The following MCF2L2 variants were observed in gnomAD, a reference collection of about 807,000 sequenced individuals.
The protein encoded by MCF2L2 is probable guanine nucleotide exchange factor MCF2L2.
MCF2L2 carries 102 observed loss-of-function variants against 150.2 expected under a neutral mutation model. That is an observed-to-expected ratio of 0.68 (90% CI 0.58 to 0.80). The LOEUF (loss-of-function observed/expected upper bound fraction) is 0.80. Among genes scored for constraint, MCF2L2 ranks in the 30% least tolerant of loss-of-function variants. The pLI is 0.00. For synonymous variants in MCF2L2, 465 were observed against 491.3 expected, an observed-to-expected ratio of 0.95 and a Z score of 0.71; for missense variants, 1,256 against 1,372.8, an observed-to-expected ratio of 0.91 and a Z score of 1.34.
At chr3:183,299,296 C>G (rs1280910472) in intron 11 of MCF2L2, 2 of 152,284 alleles carry the variant, frequency 1.3e-5, no homozygotes, top group Non-Finnish European at 2.9e-5. Context: ...ATCCCTGCAC[C>G]ACCTGCACCA....
At chr3:183,190,946 C>T (rs1406523887) in intron 27 of MCF2L2, among the ~76,000 whole-genome samples, 1 of 152,142 alleles carries the variant, frequency 6.6e-6, no homozygotes, top group Non-Finnish European at 1.5e-5. Context: ...AGTGCAATGG[C>T]GCGATCTTGA....
Position 183,338,906 on chromosome 3 carries a change from C to T in MCF2L2, c.380G>A (p.Gly127Glu). The T allele has an allele frequency of 1.3e-6, 2 of 1,597,662 alleles. No homozygotes were observed. ...SLTRIAVAFP[G>E]NLQLIFILRP... ...AAGGATGAATATGAGCTGTAAGTTT[C>T]CTGGAAATGCCACCTGCAAGCATCA... Residue 127 changes from glycine (G) to glutamate (E), a missense_variant, in exon 5 of 30, where the codon GGA (glycine) becomes GAA (glutamate). By Grantham distance (98) the Gly-to-Glu change is moderately conservative (BLOSUM62 -2). Coordinates refer to ENST00000328913, the MANE Select transcript of MCF2L2 (RefSeq NM_015078.4).
rs1560034951 is a variant in MCF2L2, at chr3:183,351,219, TATATATATATA to T, written c.276-9600_276-9590del. The stretch of plus-strand genomic sequence containing the variant: ...ATATATATATATATATATATATATA[TATATATATATA>T]TATATATTTATTTATTTATTTATCA... On this transcript the variant is annotated intron_variant, in intron 3 of 29. Coordinates refer to ENST00000328913, the MANE Select transcript of MCF2L2 (RefSeq NM_015078.4). 1.8e-4 allele frequency among the ~76,000 whole-genome samples: 17 copies of T among 91,914 alleles called. 1 individual carries two copies. The highest frequency in any genetic ancestry group is 1.2e-3 in the South Asian group (3 of 2,538). The allele number at this position is 91,914 out of a possible 152,430, so 60.3% of individuals were successfully genotyped here. A position where few individuals can be genotyped will look rare whatever the true frequency, so the allele number is the denominator to read the frequency against.
chr3:183,306,652 G>C (rs558194900), intron 10 of MCF2L2, among the ~76,000 whole-genome samples: 2 of 152,214 alleles, frequency 1.3e-5, no homozygotes, highest in Non-Finnish European at 2.9e-5. Context: ...GATGAAACAA[G>C]AAAGGCAGAA....
chr3:183,386,915 A>G (rs1172589956), intron 2 of MCF2L2, among the ~76,000 whole-genome samples: 1 of 152,212 alleles, frequency 6.6e-6, no homozygotes, highest in African/African-American at 2.4e-5. Flanking sequence ...CAGACTTGCA[A>G]GGCTGTAATT....
chr3:183,191,029 GC>G (rs1013356134), intron 27 of MCF2L2, among the ~76,000 whole-genome samples: 1 of 152,080 alleles, frequency 6.6e-6, no homozygotes, highest in African/African-American at 2.4e-5. Flanking sequence ...GGGATTACAG[GC>G]GTGTACCACC....
intron 5 of MCF2L2, 44 bp from the exon 6 acceptor site, chr3:183,323,395 T>A: frequency 1.1e-6 from 1 of 945,466 alleles, no homozygotes; most frequent in Non-Finnish European, 1.7e-6. Context: ...CATTGATCAT[T>A]AAATAATAGC....
intron 2 of MCF2L2, among the ~76,000 whole-genome samples, chr3:183,380,041 T>C (rs1309415914): frequency 6.6e-6 from 1 of 152,140 alleles, no homozygotes; most frequent in Non-Finnish European, 1.5e-5. Context: ...ATGGTGACCA[T>C]GATTATAATT....
intron 4 of MCF2L2, among the ~76,000 whole-genome samples, chr3:183,339,996 C>A (rs1012009307): frequency 7.2e-5 from 11 of 152,120 alleles, no homozygotes; most frequent in African/African-American, 2.4e-4. Context: ...CCTGGAAAGC[C>A]AGAACTCTCT....
At chr3:183,190,745 C>T (rs574371955) in intron 27 of MCF2L2, among the ~76,000 whole-genome samples, 9 of 152,332 alleles carry the variant, frequency 5.9e-5, no homozygotes, top group African/African-American at 1.2e-4. Flanking sequence ...AAGGGCACAA[C>T]GGTGAGCCAT....
chr3:183,191,047 G>A (rs746672780), intron 27 of MCF2L2, among the ~76,000 whole-genome samples: 12 of 151,870 alleles, frequency 7.9e-5, no homozygotes, highest in Non-Finnish European at 1.5e-4. Flanking sequence ...CACCATGCCC[G>A]GCTAATTTTT....
Position 183,428,019 on chromosome 3 carries a change from CTG to C in MCF2L2, c.-44_-43del, listed in dbSNP as rs1716265356. ...TCCGTATAAATAAAGCCAAACAAAA[CTG>C]TTTCTACCGCTGCGGTGGATGATTT... On this transcript the variant is annotated 5_prime_UTR_variant, in exon 1 of 30. Transcript: ENST00000328913. This position sits in a 1 kb window ranked among gnomAD's most constrained non-coding sequence, Gnocchi z 5.1. 1 of 1,450,356 alleles carries C rather than the reference CTG, an allele frequency of 6.9e-7. No homozygotes were observed. Among genetic ancestry groups the C allele is most frequent in the South Asian group, 1.1e-5 (1 of 87,696 alleles). 89.8% of individuals were successfully genotyped at this position (1,450,356 alleles called of 1,614,324 possible).
At chr3:183,395,550 T>C (rs941815421) in intron 1 of MCF2L2, among the ~76,000 whole-genome samples, 4 of 152,204 alleles carry the variant, frequency 2.6e-5, no homozygotes, top group African/African-American at 9.7e-5. Flanking sequence ...TGCAATACAA[T>C]GCACAAAGCC....
In MCF2L2 at chr3:183,193,478, G is replaced by A. The variant is rs372279068; in HGVS notation, c.2919-382C>T. The stretch of plus-strand genomic sequence containing the variant: ...CCATTCTCCTGCCTCAGCCTCCCAA[G>A]TAGCTGGGACTACATGCGTGTGCCA... On this transcript the variant is annotated intron_variant, in intron 26 of 29. Coordinates refer to ENST00000328913, the MANE Select transcript of MCF2L2 (RefSeq NM_015078.4). Among the ~76,000 whole-genome samples, 10 of 151,830 alleles carry A rather than the reference G, an allele frequency of 6.6e-5. No homozygotes were observed. The East Asian group carries it at 1.2e-3, about 18-fold the overall frequency.
intron 14 of MCF2L2, among the ~76,000 whole-genome samples, chr3:183,277,353 A>AAAGCAGGT (rs1258112074): frequency 8.6e-5 from 13 of 150,534 alleles, no homozygotes; most frequent in African/African-American, 3.2e-4. Flanking sequence ...AAAAAAAAAA[A>AAAGCAGGT]GCAGGTGTCC....
chr3:183,238,994 T>TGA (rs1723877408), intron 15 of MCF2L2, among the ~76,000 whole-genome samples: 1 of 47,134 alleles, frequency 2.1e-5, no homozygotes, highest in African/African-American at 1.2e-4. Context: ...GATATCCGTC[T>TGA]CAAAAAAAAA....
chr3:183,306,496 C>G (rs35368790), intron 10 of MCF2L2, among the ~76,000 whole-genome samples: 39,827 of 152,052 alleles, frequency 0.26, 5,616 homozygotes, highest in Non-Finnish European at 0.31. Flanking sequence ...CCCCCGAGGA[C>G]TCTGCTGGTA....
At position 183,323,226 on chromosome 3, in the gene MCF2L2, G is replaced by A. The variant is rs1007469723; in HGVS notation, c.603+9C>T. ...AGACAGTGAAAAGCACACGTAAGCTGGTACTCACAGTGCGGTGATTTACCC... is the reference window on the plus strand; with the variant it reads ...AGACAGTGAAAAGCACACGTAAGCTAGTACTCACAGTGCGGTGATTTACCC... On this transcript the variant is annotated intron_variant, in intron 6 of 29. Coordinates refer to ENST00000328913, the MANE Select transcript of MCF2L2 (RefSeq NM_015078.4). The A allele has an allele frequency of 3.2e-6, 5 of 1,575,250 alleles. No homozygotes were observed. The African/African-American group carries it at 4.0e-5, about 13-fold the overall frequency.
At chr3:183,351,260 C>T (rs1711501038) in intron 3 of MCF2L2, among the ~76,000 whole-genome samples, 1 of 112,328 alleles carries the variant, frequency 8.9e-6, no homozygotes, top group Non-Finnish European at 1.7e-5. Context: ...TTATCAGAAC[C>T]CCAGGGCTCA....
Sources: allele counts gnomAD v4.1 joint callset (sites outside exome capture counted in the v4.1 genomes callset), GRCh38; gene constraint gnomAD v4.1.1; non-coding constraint Gnocchi (gnomAD v3.1); transcripts MANE v1.5; gene names NCBI Gene and HGNC (gene_info 2026-07-23, HGNC 2026-07-21).